Variants in SORCS2 observed in about 807,000 individuals in gnomAD.
SORCS2 encodes sortilin related VPS10 domain containing receptor 2.
Under a neutral mutation model 141.6 loss-of-function variants are expected in SORCS2, and 100 were observed. That is an observed-to-expected ratio of 0.71 (90% CI 0.60 to 0.83). The LOEUF is 0.83. Ranked by LOEUF, SORCS2 falls within the 40% of genes least tolerant of loss-of-function variation. The probability of loss-of-function intolerance (pLI) is 0.00; values close to 1 mark genes in which losing one functional copy is unlikely to be tolerated. For synonymous variants in SORCS2, 789 were observed against 676.9 expected (o/e 1.17, Z -2.57); for missense variants, 1,646 against 1,560.2 (o/e 1.05, Z -0.93).
At position 7,433,918 on chromosome 4, in the gene SORCS2, A is replaced by C. The variant is rs1264824616; in HGVS notation, c.548+37563A>C. 3 of 1,613,728 alleles carry C rather than the reference A, an allele frequency of 1.9e-6. No homozygotes were observed. In the African/African-American group the frequency reaches 4.0e-5, roughly 22 times the overall value. On this transcript the variant is annotated intron_variant, in intron 2 of 26. Transcript: ENST00000507866. ...AGGCATTACCGAGCACACGCGCTCC[A>C]GGGCATGGGTGATCATGAGCTCAGA...
intron 1 of SORCS2, among the ~76,000 whole-genome samples, chr4:7,235,823 T>G (rs1385457596): frequency 6.6e-6 from 1 of 152,180 alleles, no homozygotes; most frequent in African/African-American, 2.4e-5. Flanking sequence ...GTGAGATGCC[T>G]CCCTTCTGGA....
chr4:7,533,821 T>C (rs566915220), intron 3 of SORCS2, among the ~76,000 whole-genome samples: 23 of 152,264 alleles, frequency 1.5e-4, no homozygotes, highest in Non-Finnish European at 2.4e-4. Flanking sequence ...TTTCCTGGCC[T>C]GTAAAGCGGG....
chr4:7,529,688 C>A (rs1387093119), intron 2 of SORCS2, among the ~76,000 whole-genome samples: 9 of 152,210 alleles, frequency 5.9e-5, no homozygotes, highest in African/African-American at 2.2e-4. Context: ...CTCGTAAACA[C>A]AACCATTTGT....
chr4:7,275,018 A>G lies in SORCS2; in HGVS notation c.480+81892A>G, dbSNP rs549841229. Among the ~76,000 whole-genome samples the G allele has an allele frequency of 1.1e-4, 16 of 152,340 alleles. No individual in the cohort carries two copies. In the East Asian group the frequency reaches 3.1e-3, roughly 29 times the overall value. On this transcript the variant is annotated intron_variant, in intron 1 of 26. Coordinates refer to ENST00000507866, the MANE Select transcript of SORCS2 (RefSeq NM_020777.3). ...ATCAGCACCTGGGCTGTCACCACCT[A>G]AGCCTGACACCTTTTAATGCAAACA...
At chr4:7,612,412 C>A (rs552499218) in intron 3 of SORCS2, among the ~76,000 whole-genome samples, 183 of 152,312 alleles carry the variant, frequency 1.2e-3, no homozygotes, top group Middle Eastern at 0.01. Context: ...TCCCTCGGTC[C>A]TTCTGGCCAC....
intron 17 of SORCS2, 21 bp from the exon 18 acceptor site, chr4:7,717,991 G>A (rs574876333): frequency 1.3e-6 from 2 of 1,585,806 alleles, no homozygotes; most frequent in East Asian, 4.6e-5. Context: ...AGCGGACCCT[G>A]ACCCTCTCTT....
At chr4:7,333,361 G>A (rs1050426050) in intron 1 of SORCS2, among the ~76,000 whole-genome samples, 17 of 152,226 alleles carry the variant, frequency 1.1e-4, no homozygotes, top group Admixed American at 1.0e-3. Flanking sequence ...CCATGAAGCT[G>A]CTGAAGGTGT....
intron 3 of SORCS2, among the ~76,000 whole-genome samples, chr4:7,559,202 G>A (rs902280518): frequency 3.3e-5 from 5 of 152,174 alleles, no homozygotes; most frequent in Non-Finnish European, 7.3e-5. Context: ...CCCCCTCCAA[G>A]AGGGCTGTGG....
chr4:7,690,622 A>G (rs1354858038), intron 11 of SORCS2, among the ~76,000 whole-genome samples: 1 of 151,602 alleles, frequency 6.6e-6, no homozygotes, highest in African/African-American at 2.4e-5. Context: ...GGATGAGTGG[A>G]TGGGTGGATG....
In SORCS2 at chr4:7,262,987, T is replaced by C. The variant is rs138376558; in HGVS notation, c.480+69861T>C. Among the ~76,000 whole-genome samples the C allele has an allele frequency of 8.4e-4, 128 of 152,290 alleles. 3 individuals carry two copies. Among genetic ancestry groups the C allele is most frequent in the Admixed American group, 6.7e-3 (102 of 15,302 alleles). ...CGACTGAGGTCTCTGCCCAGTTTGG[T>C]CTCAGGGACTCATCCTAACAGTTTA... On this transcript the variant is annotated intron_variant, in intron 1 of 26. Coordinates refer to ENST00000507866, the MANE Select transcript of SORCS2 (RefSeq NM_020777.3).
chr4:7,690,866 T>C (rs534360557), intron 11 of SORCS2, among the ~76,000 whole-genome samples: 8 of 152,314 alleles, frequency 5.3e-5, no homozygotes, highest in African/African-American at 1.9e-4. Flanking sequence ...TGTTTGTCTC[T>C]TCCACTAAAC....
chr4:7,592,863 C>A (rs1577805941), intron 3 of SORCS2, among the ~76,000 whole-genome samples: 2 of 152,200 alleles, frequency 1.3e-5, no homozygotes, highest in East Asian at 3.8e-4. Flanking sequence ...AACCACCAAC[C>A]AGAATGCCTG....
chr4:7,686,014 C>T (rs1264959798), intron 10 of SORCS2, among the ~76,000 whole-genome samples: 1 of 152,228 alleles, frequency 6.6e-6, no homozygotes, highest in Admixed American at 6.5e-5. Context: ...ACAATCTTTT[C>T]GCTCATACAC....
chr4:7,623,098 G>A (rs1028170762), intron 3 of SORCS2, among the ~76,000 whole-genome samples: 2 of 151,688 alleles, frequency 1.3e-5, no homozygotes, highest in Admixed American at 6.6e-5. Flanking sequence ...TTACCCCCCC[G>A]ACTGGCAGCC....
intron 2 of SORCS2, among the ~76,000 whole-genome samples, chr4:7,418,830 A>C (rs954757876): frequency 6.6e-6 from 1 of 151,810 alleles, no homozygotes; most frequent in African/African-American, 2.4e-5. Context: ...TCAATCTTAC[A>C]TCTGTAGTAA....
intron 2 of SORCS2, among the ~76,000 whole-genome samples, chr4:7,514,976 G>C (rs984299843): frequency 6.6e-6 from 1 of 152,186 alleles, no homozygotes; most frequent in African/African-American, 2.4e-5. Flanking sequence ...ATGGTCAGGG[G>C]CCAGCCAGCC....
intron 1 of SORCS2, among the ~76,000 whole-genome samples, chr4:7,220,747 C>T (rs191989655): frequency 1.6e-3 from 248 of 152,254 alleles, no homozygotes; most frequent in Non-Finnish European, 2.9e-3. Context: ...AGGTGCGTCC[C>T]AGGTGTGAAA....
intron 1 of SORCS2, among the ~76,000 whole-genome samples, chr4:7,270,351 G>A (rs1010288034): frequency 6.6e-5 from 10 of 152,250 alleles, no homozygotes; most frequent in Non-Finnish European, 1.5e-4. Flanking sequence ...CCACGGCTGC[G>A]TTCACCCTTG....
intron 1 of SORCS2, among the ~76,000 whole-genome samples, chr4:7,223,211 C>T (rs1011163722): frequency 6.6e-6 from 1 of 152,132 alleles, no homozygotes; most frequent in African/African-American, 2.4e-5. Flanking sequence ...CATTCTGATT[C>T]CTCACAGATA....
Sources: gnomAD v4.1 joint callset for allele counts (sites outside exome capture counted in the v4.1 genomes callset) on GRCh38, gnomAD v4.1.1 for gene constraint, MANE v1.5 for transcripts, NCBI Gene and HGNC (gene_info 2026-07-23, HGNC 2026-07-21) for gene names.